SUCLG2: variants seen among roughly 807,000 people sequenced by gnomAD.
SUCLG2 encodes succinate-CoA ligase GDP-forming subunit beta.
Under a neutral mutation model 47.9 loss-of-function variants are expected in SUCLG2, and 42 were observed. The observed-to-expected ratio is 0.88, with a 90% CI of 0.69 to 1.14. The LOEUF is 1.14. Among genes scored for constraint, SUCLG2 ranks in the 50% most tolerant of loss-of-function variants. SUCLG2 has a pLI of 0.00. For synonymous variants in SUCLG2, 195 were observed against 197.3 expected, an observed-to-expected ratio of 0.99 and a Z score of 0.10; for missense variants, 571 against 525.9, an observed-to-expected ratio of 1.09 and a Z score of -0.84.
chr3:67,366,466 T>C (rs1259311647), intron 10 of SUCLG2, among the ~76,000 whole-genome samples: 1 of 152,184 alleles, frequency 6.6e-6, no homozygotes, highest in East Asian at 1.9e-4. Flanking sequence ...TGAGTAGAGA[T>C]TTTGCCTCTA....
At chr3:67,606,493 G>C (rs1700421853) in intron 2 of SUCLG2, among the ~76,000 whole-genome samples, 1 of 152,116 alleles carries the variant, frequency 6.6e-6, no homozygotes, top group African/African-American at 2.4e-5. Context: ...AGACCAACTT[G>C]AACTTTACAT....
intron 2 of SUCLG2, among the ~76,000 whole-genome samples, chr3:67,570,541 C>A (rs970675300): frequency 5.9e-5 from 9 of 152,244 alleles, no homozygotes; most frequent in African/African-American, 2.2e-4. Context: ...AGGGGCTGGG[C>A]ATGACAGAAA....
intron 10 of SUCLG2, among the ~76,000 whole-genome samples, chr3:67,365,731 TG>T (rs1701865493): frequency 6.6e-6 from 1 of 152,238 alleles, no homozygotes; most frequent in South Asian, 2.1e-4. Flanking sequence ...TTACTGAGTA[TG>T]CAGGCAGTAT....
chr3:67,628,732 T>C lies in SUCLG2; in HGVS notation c.85-19136A>G, dbSNP rs114009333. On this transcript the variant is annotated intron_variant, in intron 1 of 10. Coordinates refer to ENST00000307227, the MANE Select transcript of SUCLG2 (RefSeq NM_003848.4). ...GCCACCCTGTAAAATGTGCTTTGCT[T>C]CTCCTTTGCCTTCCACCATGATTGT... 7.0e-3 allele frequency among the ~76,000 whole-genome samples: 1,071 copies of C among 152,294 alleles called. 7 individuals carry two copies. Among genetic ancestry groups the C allele is most frequent in the Non-Finnish European group, 0.012 (806 of 68,022 alleles).
chr3:67,437,313 A>G (rs910700588), intron 9 of SUCLG2, among the ~76,000 whole-genome samples: 18 of 152,196 alleles, frequency 1.2e-4, no homozygotes, highest in Non-Finnish European at 4.4e-5. Flanking sequence ...ATCAATCACT[A>G]GGGGCCATTT....
downstream of SUCLG2, among the ~76,000 whole-genome samples, chr3:67,371,735 A>G (rs1701957025): frequency 6.6e-6 from 1 of 152,180 alleles, no homozygotes; most frequent in Non-Finnish European, 1.5e-5. Flanking sequence ...CTTTCAAATG[A>G]TCATAAGTGG....
At chr3:67,539,275 T>C (rs975271407) in intron 2 of SUCLG2, among the ~76,000 whole-genome samples, 1 of 152,236 alleles carries the variant, frequency 6.6e-6, no homozygotes, top group African/African-American at 2.4e-5. Flanking sequence ...CGAACCGGTG[T>C]TGATTTTTAT....
At chr3:67,540,812 G>C (rs538185430) in intron 2 of SUCLG2, among the ~76,000 whole-genome samples, 1 of 152,156 alleles carries the variant, frequency 6.6e-6, no homozygotes, top group Non-Finnish European at 1.5e-5. Context: ...GCTGGCATCT[G>C]GGGGGTGCCC....
intron 9 of SUCLG2, among the ~76,000 whole-genome samples, chr3:67,438,886 A>G (rs1703689001): frequency 6.6e-6 from 1 of 152,236 alleles, no homozygotes; most frequent in African/African-American, 2.4e-5. Context: ...AACTCGTTTT[A>G]TAAGGACTGC....
intron 8 of SUCLG2, among the ~76,000 whole-genome samples, chr3:67,496,801 A>G (rs1458812962): frequency 2.0e-5 from 3 of 151,674 alleles, no homozygotes; most frequent in African/African-American, 7.2e-5. Context: ...TTGAGAGAGA[A>G]AAAAAAAACT....
intron 1 of SUCLG2, among the ~76,000 whole-genome samples, chr3:67,647,789 C>A (rs1481336161): frequency 1.3e-5 from 2 of 152,120 alleles, no homozygotes; most frequent in Non-Finnish European, 2.9e-5. Flanking sequence ...TAATCAGAGC[C>A]CGGGAGGCAG....
intron 6 of SUCLG2, chr3:67,514,179 C>T: frequency 3.1e-6 from 1 of 322,970 alleles, no homozygotes; most frequent in Non-Finnish European, 6.3e-6. Context: ...ATCCTAATTT[C>T]ACCCCTAAAA....
intron 2 of SUCLG2, among the ~76,000 whole-genome samples, chr3:67,585,993 C>CAAAAAAA (rs1575797477): frequency 5.3e-4 from 11 of 20,732 alleles, no homozygotes; most frequent in South Asian, 1.4e-3. Context: ...AAAAAAAAAC[C>CAAAAAAA]AAACCCACAA....
At chr3:67,396,219 G>T (rs982508838) in intron 10 of SUCLG2, among the ~76,000 whole-genome samples, 7,030 of 151,918 alleles carry the variant, frequency 0.046, 497 homozygotes, top group African/African-American at 0.16. Flanking sequence ...TTCAAAAAAT[G>T]AATGAAACCA....
intron 3 of SUCLG2, 85 bp from the exon 4 acceptor site, chr3:67,528,307 C>T (rs1706310558): frequency 8.2e-7 from 1 of 1,213,576 alleles, no homozygotes; most frequent in Admixed American, 1.9e-5. Flanking sequence ...CTCATGTCTA[C>T]ACTGCAAAGG....
chr3:67,514,688 T>C (rs954312613), intron 6 of SUCLG2, among the ~76,000 whole-genome samples: 3 of 152,182 alleles, frequency 2.0e-5, no homozygotes, highest in Non-Finnish European at 4.4e-5. Flanking sequence ...CTTTCTGTGG[T>C]TTTAGTTACC....
chr3:67,423,621 G>A (rs1486497189), intron 9 of SUCLG2, among the ~76,000 whole-genome samples: 1 of 152,010 alleles, frequency 6.6e-6, no homozygotes, highest in Non-Finnish European at 1.5e-5. Flanking sequence ...CACACATCAT[G>A]CTGCCTTTGT....
chr3:67,620,584 C>CAAAAAAAAAAAAAAAAAA (rs71109890), intron 1 of SUCLG2, among the ~76,000 whole-genome samples: 31 of 63,406 alleles, frequency 4.9e-4, no homozygotes, highest in East Asian at 9.9e-4. Context: ...GACTCCATCT[C>CAAAAAAAAAAAAAAAAAA]AAAAAAAAAA....
chr3:67,478,489 A>G (rs566926831), intron 9 of SUCLG2, among the ~76,000 whole-genome samples: 1 of 152,372 alleles, frequency 6.6e-6, no homozygotes, highest in Non-Finnish European at 1.5e-5. Context: ...TATTAAACAA[A>G]CAAATGAAAA....
Sources: allele counts gnomAD v4.1 joint callset (sites outside exome capture counted in the v4.1 genomes callset), GRCh38; gene constraint gnomAD v4.1.1; transcripts MANE v1.5; gene names NCBI Gene and HGNC (gene_info 2026-07-23, HGNC 2026-07-21).